LYST: variants seen among roughly 807,000 people sequenced by gnomAD.
The protein encoded by LYST is lysosomal-trafficking regulator.
Under a neutral mutation model 413.6 loss-of-function variants are expected in LYST, and 192 were observed. The ratio of observed to expected loss-of-function variants is 0.46; its 90% CI spans 0.41 to 0.52. LYST has a LOEUF of 0.52. LYST is among the 20% of genes least tolerant of loss of function. The probability of loss-of-function intolerance (pLI) is 0.00; values close to 1 mark genes in which losing one functional copy is unlikely to be tolerated. For synonymous variants in LYST, 1,525 were observed against 1,567.3 expected, an observed-to-expected ratio of 0.97 and a Z score of 0.64; for missense variants, 3,815 against 4,499.9, an observed-to-expected ratio of 0.85 and a Z score of 4.35.
intron 47 of LYST, among the ~76,000 whole-genome samples, chr1:235,688,367 A>C (rs1037077667): frequency 1.3e-5 from 2 of 152,184 alleles, no homozygotes; most frequent in African/African-American, 4.8e-5. Flanking sequence ...GAATGATGGA[A>C]TCTCCCAAGA....
chr1:235,721,612 T>C lies in LYST; in HGVS notation c.9316-707A>G, dbSNP rs1215338141. Among the ~76,000 whole-genome samples, 3 of 152,102 alleles carry C rather than the reference T, an allele frequency of 2.0e-5. No individual in the cohort carries two copies. In the South Asian group the frequency reaches 6.2e-4, roughly 32 times the overall value. On this transcript the variant is annotated intron_variant, in intron 39 of 52. Coordinates refer to ENST00000389793, the MANE Select transcript of LYST (RefSeq NM_000081.4). Reference sequence around the variant, plus strand: ...GACACAGGAAGAAGAGCCACAGATATGGATAATGAGAGAGTGAACTTAATG... The same window carrying C: ...GACACAGGAAGAAGAGCCACAGATACGGATAATGAGAGAGTGAACTTAATG...
intron 44 of LYST, among the ~76,000 whole-genome samples, chr1:235,703,755 C>CT (rs1267672418): frequency 3.3e-5 from 5 of 152,194 alleles, no homozygotes; most frequent in Non-Finnish European, 5.9e-5. Flanking sequence ...TGATCAAATC[C>CT]TTTTTTTAAA....
intron 16 of LYST, among the ~76,000 whole-genome samples, chr1:235,779,077 G>C (rs1669601958): frequency 6.6e-6 from 1 of 151,630 alleles, no homozygotes; most frequent in Non-Finnish European, 1.5e-5. Flanking sequence ...ATGTTGGCCA[G>C]GCTGGTCTCA....
chr1:235,770,726 T>C (rs532767527), intron 19 of LYST, among the ~76,000 whole-genome samples: 35 of 152,332 alleles, frequency 2.3e-4, no homozygotes, highest in African/African-American at 7.5e-4. Context: ...GAGCAAATCA[T>C]ACTAAATTGA....
intron 48 of LYST, among the ~76,000 whole-genome samples, chr1:235,685,518 A>C (rs1660144853): frequency 6.6e-6 from 1 of 152,130 alleles, no homozygotes. Context: ...AAAGAAACTT[A>C]ACAAGAGTTC....
chr1:235,849,964 C>T (rs1225033742), intron 1 of LYST, among the ~76,000 whole-genome samples: 1 of 151,854 alleles, frequency 6.6e-6, no homozygotes, highest in African/African-American at 2.4e-5. Flanking sequence ...AAGCAATCTA[C>T]AAATTCAATG....
chr1:235,806,281 G>A lies in LYST; in HGVS notation c.2855C>T (p.Pro952Leu). The part of the protein sequence containing the change: ...PCISLESLVL[P>L]SPEHMHQAAD... ...TGCTTGGTGCATATGTTCAGGAGAA[G>A]GCAAGACAAGGCTCTCGAGAGATAT... The change falls in exon 6 of 53, where the codon CCT (proline) becomes CTT (leucine). Residue 952 changes from proline to leucine, a missense_variant. Pro to Leu is a moderately conservative substitution (Grantham distance 98). Transcript: ENST00000389793. 1 of 1,614,018 alleles carries A rather than the reference G, an allele frequency of 6.2e-7. No individual in the cohort carries two copies. The highest frequency in any genetic ancestry group is 8.5e-7 in the Non-Finnish European group (1 of 1,179,992).
chr1:235,766,278 C>T lies in LYST; in HGVS notation c.5923-1G>A. The T allele has an allele frequency of 6.3e-7, 1 of 1,591,542 alleles. No individual in the cohort carries two copies. Among genetic ancestry groups the T allele is most frequent in the Non-Finnish European group, 8.5e-7 (1 of 1,171,932 alleles). On this transcript the variant is annotated splice_acceptor_variant, in intron 20 of 52. Coordinates refer to ENST00000389793, the MANE Select transcript of LYST (RefSeq NM_000081.4). LOFTEE classifies it high-confidence loss of function. ...GTGTGAGTTGCCCCTCTTTGTATTC[C>T]TGAAAAAATAAAAAAAACTCTCTTT...
At chr1:235,695,784 C>T (rs1334185548) in intron 46 of LYST, among the ~76,000 whole-genome samples, 2 of 151,908 alleles carry the variant, frequency 1.3e-5, no homozygotes, top group African/African-American at 2.4e-5. Flanking sequence ...AGGAGCCCGC[C>T]ACCACGCCCG....
rs766019990 is a variant in LYST at position 235,746,319 on chromosome 1, T to C, written c.7972+17A>G. On this transcript the variant is annotated intron_variant, in intron 29 of 52. Transcript: ENST00000389793. ...TTTTAAAATCTGAGGAAAAACAAAC[T>C]AATCCTATAGTCTTACCTTGATAAA... The C allele has an allele frequency of 1.9e-6, 3 of 1,608,182 alleles. No individual in the cohort carries two copies. Among genetic ancestry groups the C allele is most frequent in the Non-Finnish European group, 2.6e-6 (3 of 1,174,936 alleles).
At position 235,879,320 on chromosome 1, in the gene LYST, A is replaced by T. The variant is rs936739172; in HGVS notation, n.454+3867T>A. Reference sequence around the variant, plus strand: ...GAATTCTGACCAGTTGAAGGCAGGCATATAATAGATGTCTGAAAGCAAGAC... The same window carrying T: ...GAATTCTGACCAGTTGAAGGCAGGCTTATAATAGATGTCTGAAAGCAAGAC... On this transcript the variant is annotated intron_variant and non_coding_transcript_variant, in intron 1 of 11. Transcript: ENST00000465349. Among the ~76,000 whole-genome samples, 17 of 152,244 alleles carry T rather than the reference A, an allele frequency of 1.1e-4. 1 individual carries two copies. Among genetic ancestry groups the T allele is most frequent in the Admixed American group, 1.0e-3 (16 of 15,286 alleles).
upstream of LYST, among the ~76,000 whole-genome samples, chr1:235,869,788 A>G (rs1254621435): frequency 1.5e-5 from 1 of 67,140 alleles, no homozygotes; most frequent in South Asian, 5.3e-4. Context: ...ATTGGCCTAC[A>G]GAGCTCTAAC....
chr1:235,704,618 ATTTG>A (rs1661818714), intron 44 of LYST, among the ~76,000 whole-genome samples: 1 of 151,832 alleles, frequency 6.6e-6, no homozygotes, highest in African/African-American at 2.4e-5. Flanking sequence ...TTTCTTATAC[ATTTG>A]TTTAAGTTCC....
At chr1:235,877,760 T>C (rs1253314062) in intron 1 of LYST, among the ~76,000 whole-genome samples, 2 of 151,490 alleles carry the variant, frequency 1.3e-5, no homozygotes, top group Non-Finnish European at 2.9e-5. Flanking sequence ...CTGAGACAAT[T>C]GCATCGCTTA....
chr1:235,766,020 T>C (rs1668109070), intron 21 of LYST, 59 bp downstream of exon 21: 1 of 1,225,462 alleles, frequency 8.2e-7, no homozygotes, highest in Non-Finnish European at 1.2e-6. Flanking sequence ...GTGAATCAAG[T>C]GGGAAGAATA....
rs775810592 is a variant in LYST at position 235,741,511 on chromosome 1, C to A, written c.8269G>T (p.Ala2757Ser). Residue 2757 changes from alanine to serine, a missense_variant, in exon 31 of 53, where the codon GCT (alanine) becomes TCT (serine). By Grantham distance (99) the Ala-to-Ser change is moderately conservative. Coordinates refer to ENST00000389793, the MANE Select transcript of LYST (RefSeq NM_000081.4). ...AAAATTTGCTTTCTCTCTTGTGCAG[C>A]GTGGGCTGGCGACAAAATATGCACT... ...LLVHILSPAHAAQERKQIFEI... is the reference protein window; with the variant it reads ...LLVHILSPAHSAQERKQIFEI... The A allele has an allele frequency of 5.0e-6, 8 of 1,614,050 alleles. No homozygotes were observed. Among genetic ancestry groups the A allele is most frequent in the Non-Finnish European group, 5.9e-6 (7 of 1,179,962 alleles).
rs745529275 is a variant in LYST, at chr1:235,773,908, A to T, written c.5718T>A (p.Ala1906=). ...GEFKLDVDSN[A]IIQDVKLLEE... ...CTAACAGCTTAACATCTTGGATTAT[A>T]GCATTAGAGTCTACATCCAACTTAA... is the stretch of plus-strand genomic sequence containing the variant. The change falls in exon 19 of 53, where the codon GCT becomes GCA. Residue 1906 remains alanine, a synonymous_variant. Coordinates refer to ENST00000389793, the MANE Select transcript of LYST (RefSeq NM_000081.4). 2.5e-6 allele frequency: 4 copies of T among 1,605,632 alleles called. No individual in the cohort carries two copies. The Admixed American group carries it at 6.7e-5, about 27-fold the overall frequency.
Position 235,746,421 on chromosome 1 carries a change from C to G in LYST, c.7887G>C (p.Glu2629Asp). The G allele has an allele frequency of 1.2e-6, 2 of 1,613,946 alleles. No homozygotes were observed. Among genetic ancestry groups the G allele is most frequent in the Non-Finnish European group, 1.7e-6 (2 of 1,179,910 alleles). ...HVMMQRRMSQ[E>D]NPSQATETEL... Reference sequence around the variant, plus strand: ...CCGTTTCAGTTGCTTGGCTAGGGTTCTCTTGGCTCATTCTCCGTTGCATCA... The same window carrying G: ...CCGTTTCAGTTGCTTGGCTAGGGTTGTCTTGGCTCATTCTCCGTTGCATCA... The change falls in exon 29 of 53, where the codon GAG becomes GAC. Residue 2629 changes from glutamate to aspartate, a missense_variant. By Grantham distance (45) the Glu-to-Asp change is conservative (BLOSUM62 2). Transcript: ENST00000389793.
In LYST at chr1:235,783,679, G is replaced by A. The variant is rs115174118; in HGVS notation, c.4863-1592C>T. Among the ~76,000 whole-genome samples the A allele has an allele frequency of 9.0e-3, 1,371 of 152,152 alleles. 10 individuals carry two copies. The highest frequency in any genetic ancestry group is 0.014 in the Non-Finnish European group (946 of 67,994). On this transcript the variant is annotated intron_variant, in intron 14 of 52. Transcript: ENST00000389793. ...ATAACAATGAAATAAAAATAAAATA[G>A]TGTTTTTAAGGGTGAAAGAAAACCT...
Sources: allele counts gnomAD v4.1 joint callset (sites outside exome capture counted in the v4.1 genomes callset), GRCh38; gene constraint gnomAD v4.1.1; transcripts MANE v1.5; gene names NCBI Gene and HGNC (gene_info 2026-07-23, HGNC 2026-07-21).